Variants in PDE10A observed in about 807,000 individuals in gnomAD.
The protein encoded by PDE10A is phosphodiesterase 10A, also known as cAMP and cAMP-inhibited cGMP 3',5'-cyclic phosphodiesterase 10A.
A neutral mutation model predicts 97.7 loss-of-function variants in PDE10A; 39 were observed. That is an observed-to-expected ratio of 0.40 (90% CI 0.31 to 0.52). PDE10A has a LOEUF of 0.52. PDE10A is among the 20% of genes least tolerant of loss of function. The pLI is 0.56. For synonymous variants in PDE10A, 371 were observed against 376.8 expected (o/e 0.98, Z 0.18); for missense variants, 731 against 1,047.8 (o/e 0.70, Z 4.17).
At chr6:165,386,838 T>TAAA (rs1296726151) in intron 17 of PDE10A, among the ~76,000 whole-genome samples, 1 of 113,338 alleles carries the variant, frequency 8.8e-6, no homozygotes. Flanking sequence ...CCAGCTCTAC[T>TAAA]AAAAAAAAAA....
At chr6:165,407,135 C>T (rs991479381) in intron 13 of PDE10A, among the ~76,000 whole-genome samples, 15 of 152,104 alleles carry the variant, frequency 9.9e-5, no homozygotes, top group African/African-American at 3.6e-4. Context: ...ATATATGTAT[C>T]CTGTTGGTTC....
chr6:165,724,605 A>G (rs1008085877), intron 1 of PDE10A, among the ~76,000 whole-genome samples: 17 of 152,208 alleles, frequency 1.1e-4, no homozygotes, highest in African/African-American at 2.9e-4. Flanking sequence ...AGTTTCTTTT[A>G]TCAGGCCTAC....
intron 1 of PDE10A, among the ~76,000 whole-genome samples, chr6:165,897,996 C>T (rs866010631): frequency 3.3e-5 from 5 of 151,974 alleles, no homozygotes; most frequent in Admixed American, 6.5e-5. Context: ...CGACCACTCC[C>T]GTTAGCCCCT....
intron 1 of PDE10A, among the ~76,000 whole-genome samples, chr6:165,870,315 G>A (rs1583213892): frequency 6.6e-6 from 1 of 152,280 alleles, no homozygotes; most frequent in Admixed American, 6.5e-5. Flanking sequence ...TTTCTCAAAA[G>A]AAGACATACA....
intron 1 of PDE10A, among the ~76,000 whole-genome samples, chr6:165,690,431 G>C (rs919305703): frequency 4.6e-5 from 7 of 152,114 alleles, no homozygotes; most frequent in African/African-American, 1.7e-4. Flanking sequence ...CCTAACATCT[G>C]GTCTCCCTGC....
intron 1 of PDE10A, among the ~76,000 whole-genome samples, chr6:165,950,586 C>T (rs796739685): frequency 3.3e-5 from 5 of 152,282 alleles, no homozygotes; most frequent in African/African-American, 1.2e-4. Flanking sequence ...TGCAAGTGGG[C>T]GTTCACAGGA....
chr6:165,459,457 T>C (rs927463731), intron 3 of PDE10A, among the ~76,000 whole-genome samples: 6 of 151,998 alleles, frequency 3.9e-5, no homozygotes, highest in African/African-American at 1.2e-4. Context: ...GAGTTGAAGC[T>C]ATATCACACT....
At chr6:165,845,923 AC>A (rs1780404369) in intron 1 of PDE10A, among the ~76,000 whole-genome samples, 1 of 152,204 alleles carries the variant, frequency 6.6e-6, no homozygotes, top group Non-Finnish European at 1.5e-5. Flanking sequence ...TGATAAAAAA[AC>A]AAAACGAAAA....
chr6:165,483,627 T>C (rs541894845), intron 2 of PDE10A, among the ~76,000 whole-genome samples: 5 of 152,228 alleles, frequency 3.3e-5, no homozygotes, highest in African/African-American at 1.2e-4. Flanking sequence ...TTTTTTAAAG[T>C]TTTGATCTAA....
intron 1 of PDE10A, among the ~76,000 whole-genome samples, chr6:165,701,142 A>G (rs1346336351): frequency 1.3e-5 from 2 of 152,254 alleles, no homozygotes; most frequent in African/African-American, 4.8e-5. Context: ...TTCTATAAAT[A>G]GACAAAAGTT....
In PDE10A at chr6:165,661,948, G is replaced by A. The variant is rs1263367828; in HGVS notation, c.864C>T (p.Pro288=). The A allele has an allele frequency of 2.3e-5, 24 of 1,026,886 alleles. No homozygotes were observed. The highest frequency in any genetic ancestry group is 3.0e-5 in the Non-Finnish European group (20 of 674,164). 63.6% of individuals were successfully genotyped at this position (1,026,886 alleles called of 1,614,324 possible). A position where few individuals can be genotyped will look rare whatever the true frequency, so the allele number is the denominator to read the frequency against. ...FRRLTECFLS[P]SLTDEKVKAY... is the part of the protein sequence containing the mutation. ...GGGAACGGGGAGCAGGCCACTTACTGGGGCTCAGGAAGCACTCGGTCAGCC... is the reference window on the plus strand; with the variant it reads ...GGGAACGGGGAGCAGGCCACTTACTAGGGCTCAGGAAGCACTCGGTCAGCC... Residue 288 remains proline (P), a splice_region_variant and synonymous_variant, in exon 1 of 22, where the codon CCC becomes CCT. Transcript: ENST00000539869. The surrounding 1 kb of genome is among the most constrained non-coding windows in gnomAD (Gnocchi z 4.8).
At chr6:165,590,735 C>A (rs1199553896) in intron 1 of PDE10A, among the ~76,000 whole-genome samples, 1 of 151,990 alleles carries the variant, frequency 6.6e-6, no homozygotes, top group Non-Finnish European at 1.5e-5. Context: ...ACTAAAAATA[C>A]AAAAAATAAG....
intron 1 of PDE10A, among the ~76,000 whole-genome samples, chr6:165,846,492 G>T (rs1780422718): frequency 6.6e-6 from 1 of 152,216 alleles, no homozygotes; most frequent in African/African-American, 2.4e-5. Context: ...TCAGGCCAGG[G>T]GCCAAGAAGG....
chr6:165,710,258 A>G (rs548891902), intron 1 of PDE10A, among the ~76,000 whole-genome samples: 2 of 152,212 alleles, frequency 1.3e-5, no homozygotes, highest in East Asian at 3.8e-4. Flanking sequence ...ACCCCTGGAC[A>G]CAAGGACTGT....
chr6:165,572,730 G>A (rs1025978218), intron 1 of PDE10A, among the ~76,000 whole-genome samples: 12 of 152,166 alleles, frequency 7.9e-5, no homozygotes, highest in Admixed American at 1.3e-4. Flanking sequence ...GTGAAACCCC[G>A]GAGGCTGAGG....
intron 1 of PDE10A, among the ~76,000 whole-genome samples, chr6:165,958,739 GAAAGAA>G (rs1236816274): frequency 6.8e-4 from 10 of 14,700 alleles, no homozygotes; most frequent in African/African-American, 2.3e-3. Context: ...AAGAAAGAAA[GAAAGAA>G]AGAGAAAGAA....
chr6:165,462,313 A>T (rs1029962848), intron 3 of PDE10A, among the ~76,000 whole-genome samples: 31 of 152,224 alleles, frequency 2.0e-4, no homozygotes, highest in Non-Finnish European at 2.4e-4. Context: ...TTAACTTTAA[A>T]TTTTTTGAGC....
At chr6:165,581,458 C>T (rs760224310) in intron 1 of PDE10A, among the ~76,000 whole-genome samples, 3 of 152,172 alleles carry the variant, frequency 2.0e-5, no homozygotes, top group Non-Finnish European at 2.9e-5. Context: ...CAAAACATTT[C>T]TCTTGTAAGA....
At chr6:165,422,747 G>T (rs1351780189) in intron 10 of PDE10A, among the ~76,000 whole-genome samples, 4 of 152,064 alleles carry the variant, frequency 2.6e-5, no homozygotes, top group Non-Finnish European at 4.4e-5. Flanking sequence ...AGGACACATG[G>T]GAAGACTCGG....
Sources: allele counts gnomAD v4.1 joint callset (sites outside exome capture counted in the v4.1 genomes callset), GRCh38; gene constraint gnomAD v4.1.1; non-coding constraint Gnocchi (gnomAD v3.1); transcripts MANE v1.5; gene names NCBI Gene and HGNC (gene_info 2026-07-23, HGNC 2026-07-21).